The following OCA2 variants were observed in gnomAD, a reference collection of about 807,000 sequenced individuals.
OCA2 encodes OCA2 melanosomal transmembrane protein, also known as P protein.
In OCA2, 77 loss-of-function variants were observed where a neutral mutation model predicts 100.2. That is an observed-to-expected ratio of 0.77 (90% confidence interval 0.64 to 0.93). OCA2 has a LOEUF of 0.93. Ranked by LOEUF, OCA2 falls within the 40% of genes least tolerant of loss-of-function variation. The probability of loss-of-function intolerance (pLI) is 0.00; values close to 1 mark genes in which losing one functional copy is unlikely to be tolerated. For missense variants in OCA2, 1,062 were observed against 1,089.1 expected (o/e 0.98, Z 0.35); for synonymous variants, 432 against 439.2 (o/e 0.98, Z 0.21).
chr15:27,916,957 G>C (rs776442289), intron 19 of OCA2, among the ~76,000 whole-genome samples: 6 of 152,106 alleles, frequency 3.9e-5, no homozygotes, highest in Admixed American at 6.6e-5. Context: ...AGAGGTCTTA[G>C]GTAGGTGTAA....
intron 23 of OCA2, among the ~76,000 whole-genome samples, chr15:27,804,517 A>AGG (rs2033744632): frequency 6.6e-6 from 1 of 152,252 alleles, no homozygotes; most frequent in South Asian, 2.1e-4. Context: ...GAATATAAAA[A>AGG]GGGAATTGCC....
At chr15:27,906,490 T>G in intron 19 of OCA2, among the ~76,000 whole-genome samples, 1 of 151,894 alleles carries the variant, frequency 6.6e-6, no homozygotes, top group South Asian at 2.1e-4. Flanking sequence ...GTAGTGGAAA[T>G]GGAACCCGGG....
rs533597543 is a variant in OCA2, at chr15:28,023,973, G to C, written c.573+872C>G. On this transcript the variant is annotated intron_variant, in intron 5 of 23. Coordinates refer to ENST00000354638, the MANE Select transcript of OCA2 (RefSeq NM_000275.3). The stretch of plus-strand genomic sequence containing the variant: ...CCATATACTCACCTGCACACACACA[G>C]ACACACAACCAGACAGGAGACCACA... Among the ~76,000 whole-genome samples the C allele has an allele frequency of 2.6e-5, 4 of 152,196 alleles. No individual in the cohort carries two copies. In the South Asian group the frequency reaches 8.3e-4, roughly 32 times the overall value.
chr15:28,028,633 C>T (rs2042825939), intron 3 of OCA2, among the ~76,000 whole-genome samples: 1 of 152,176 alleles, frequency 6.6e-6, no homozygotes, highest in Admixed American at 6.5e-5. Context: ...AAACTTTTCT[C>T]AGAATTACTT....
intron 23 of OCA2, among the ~76,000 whole-genome samples, chr15:27,798,775 G>A (rs922915823): frequency 3.3e-5 from 5 of 152,168 alleles, no homozygotes; most frequent in South Asian, 2.1e-4. Flanking sequence ...AAAATAACAC[G>A]CAAGGTAACT....
chr15:27,931,279 C>T lies in OCA2; in HGVS notation c.1952-5025G>A, dbSNP rs79687560. Among the ~76,000 whole-genome samples, 604 of 152,248 alleles carry T rather than the reference C, an allele frequency of 4.0e-3. 3 individuals carry two copies. Among genetic ancestry groups the T allele is most frequent in the African/African-American group, 0.014 (577 of 41,558 alleles). On this transcript the variant is annotated intron_variant, in intron 18 of 23. Coordinates refer to ENST00000354638, the MANE Select transcript of OCA2 (RefSeq NM_000275.3). Reference sequence around the variant, plus strand: ...TGGATGGATAACGTATCCTTTTAAACAGTTCTTGACAATTCTATACCTTGC... The same window carrying T: ...TGGATGGATAACGTATCCTTTTAAATAGTTCTTGACAATTCTATACCTTGC...
At chr15:27,918,336 C>T (rs909140106) in intron 19 of OCA2, among the ~76,000 whole-genome samples, 11 of 152,064 alleles carry the variant, frequency 7.2e-5, no homozygotes, top group African/African-American at 2.4e-4. Context: ...TCCCAAAGTG[C>T]TGGGATTACA....
chr15:27,732,623 G>T, the OCA2 span, among the ~76,000 whole-genome samples: 1 of 152,180 alleles, frequency 6.6e-6, no homozygotes, highest in Non-Finnish European at 1.5e-5. Context: ...GTCTGTCCTT[G>T]CTGCTGTATT....
At chr15:27,906,652 G>T (rs1202264755) in intron 19 of OCA2, among the ~76,000 whole-genome samples, 1 of 151,668 alleles carries the variant, frequency 6.6e-6, no homozygotes, top group African/African-American at 2.4e-5. Flanking sequence ...AAGGCCGCAC[G>T]CAAAACAATC....
At chr15:27,802,682 TG>T (rs2033663127) in intron 23 of OCA2, among the ~76,000 whole-genome samples, 1 of 152,170 alleles carries the variant, frequency 6.6e-6, no homozygotes, top group African/African-American at 2.4e-5. Context: ...TTTCTACAAA[TG>T]CTTCTGGAAC....
intron 23 of OCA2, among the ~76,000 whole-genome samples, chr15:27,768,506 A>G (rs776262888): frequency 1.2e-4 from 18 of 152,190 alleles, no homozygotes; most frequent in Non-Finnish European, 2.1e-4. Context: ...TCAATAGCTT[A>G]TGTTATTCTA....
rs565692747 is a variant in OCA2 at position 27,871,323 on chromosome 15, C to T, written c.2140-65G>A. On this transcript the variant is annotated intron_variant, in intron 20 of 23. Transcript: ENST00000354638. ...TGCACTTAGGGTCAGACCCACCAGC[C>T]GCGAGACTCAGAGGGGCCCGAGGGT... The T allele has an allele frequency of 9.8e-5, 124 of 1,270,070 alleles. 1 individual carries two copies. Among genetic ancestry groups the T allele is most frequent in the South Asian group, 8.4e-4 (70 of 83,412 alleles). The allele number at this position is 1,270,070 out of a possible 1,614,324, so 78.7% of individuals were successfully genotyped here.
intron 23 of OCA2, among the ~76,000 whole-genome samples, chr15:27,805,208 G>C (rs1247093335): frequency 6.6e-6 from 1 of 152,248 alleles, no homozygotes; most frequent in East Asian, 1.9e-4. Flanking sequence ...CTGGCCTGGA[G>C]CAGGTGAAAG....
intron 23 of OCA2, among the ~76,000 whole-genome samples, chr15:27,827,028 T>TG (rs1338006095): frequency 2.6e-5 from 4 of 152,204 alleles, no homozygotes; most frequent in African/African-American, 9.6e-5. Flanking sequence ...GCCTGCCCTG[T>TG]GGGGCTCAGC....
chr15:27,995,822 T>C (rs1458796336), intron 9 of OCA2, among the ~76,000 whole-genome samples: 1 of 151,178 alleles, frequency 6.6e-6, no homozygotes, highest in Non-Finnish European at 1.5e-5. Flanking sequence ...ACTTTTTTTT[T>C]TTTTTTTTGA....
chr15:27,719,984 G>A, the OCA2 span, among the ~76,000 whole-genome samples: 1 of 152,030 alleles, frequency 6.6e-6, no homozygotes, highest in East Asian at 1.9e-4. Flanking sequence ...TCACATACTG[G>A]TATAGATTTC....
intron 19 of OCA2, among the ~76,000 whole-genome samples, chr15:27,873,047 C>T (rs1216045801): frequency 1.3e-5 from 2 of 152,180 alleles, no homozygotes. Flanking sequence ...AGTTGTTAGC[C>T]GACTTTCATT....
At chr15:27,860,106 G>C (rs1228338075) in intron 21 of OCA2, among the ~76,000 whole-genome samples, 1 of 152,148 alleles carries the variant, frequency 6.6e-6, no homozygotes, top group Non-Finnish European at 1.5e-5. Flanking sequence ...TACACAGTAT[G>C]CTTGGTGGTA....
Position 27,778,885 on chromosome 15 carries a change from A to G in OCA2, c.2433-23413T>C, listed in dbSNP as rs544953583. On this transcript the variant is annotated intron_variant, in intron 23 of 23. Coordinates refer to ENST00000354638, the MANE Select transcript of OCA2 (RefSeq NM_000275.3). ...AAGAAAACATGCAGGAATTTCACTT[A>G]AGTACTATTATACGCTGAGCATTAT... 3.3e-5 allele frequency among the ~76,000 whole-genome samples: 5 copies of G among 152,368 alleles called. No homozygotes were observed. The South Asian group carries it at 1.0e-3, about 32-fold the overall frequency.
Sources: gnomAD v4.1 joint callset for allele counts (sites outside exome capture counted in the v4.1 genomes callset) on GRCh38, gnomAD v4.1.1 for gene constraint, MANE v1.5 for transcripts, NCBI Gene and HGNC (gene_info 2026-07-23, HGNC 2026-07-21) for gene names.